CAPZA1: variants seen among roughly 807,000 people sequenced by gnomAD.
The protein encoded by CAPZA1 is capping actin protein of muscle Z-line subunit alpha 1, also known as F-actin-capping protein subunit alpha-1.
Under a neutral mutation model 40.8 loss-of-function variants are expected in CAPZA1, and 10 were observed. The ratio of observed to expected loss-of-function variants is 0.25; its 90% CI spans 0.15 to 0.42. The LOEUF (loss-of-function observed/expected upper bound fraction) is 0.42. CAPZA1 is among the 10% of genes least tolerant of loss of function. The pLI, the probability that CAPZA1 is intolerant of heterozygous loss-of-function variation, is 1.00. For missense variants in CAPZA1, 277 were observed against 353.8 expected, an observed-to-expected ratio of 0.78 and a Z score of 1.74; for synonymous variants, 98 against 115.0, an observed-to-expected ratio of 0.85 and a Z score of 0.95.
intron 1 of CAPZA1, among the ~76,000 whole-genome samples, chr1:112,629,546 A>G (rs948366231): frequency 6.6e-6 from 1 of 152,176 alleles, no homozygotes. Flanking sequence ...CTTGGATAGC[A>G]TCTGTCTTGA....
chr1:112,621,854 C>T (rs1424737342), intron 1 of CAPZA1, among the ~76,000 whole-genome samples: 1 of 147,130 alleles, frequency 6.8e-6, no homozygotes, highest in Non-Finnish European at 1.5e-5. Context: ...CTCTGCCTCT[C>T]TGGTTCAAGC....
At chr1:112,640,711 C>G (rs568812511) in intron 1 of CAPZA1, among the ~76,000 whole-genome samples, 2 of 152,236 alleles carry the variant, frequency 1.3e-5, no homozygotes, top group Non-Finnish European at 1.5e-5. Context: ...ACCGCCCCGT[C>G]TGGGAGGTGT....
intron 2 of CAPZA1, among the ~76,000 whole-genome samples, chr1:112,648,347 C>CTTTTTTTTTTT (rs35670246): frequency 5.0e-5 from 5 of 99,386 alleles, no homozygotes; most frequent in African/African-American, 7.4e-5. Context: ...TTGAATTTTT[C>CTTTTTTTTTTT]TTTTTTTTTT....
chr1:112,659,572 G>GTT, intron 6 of CAPZA1, 129 bp from the exon 7 acceptor site: 1 of 690,552 alleles, frequency 1.4e-6, no homozygotes. Context: ...GGAAATGACA[G>GTT]TTTCTCTCTC....
chr1:112,669,633 A>T (rs770939239), intron 9 of CAPZA1, 28 bp downstream of exon 9: 1 of 1,449,738 alleles, frequency 6.9e-7, no homozygotes, highest in Admixed American at 1.7e-5. Context: ...TAATTTTCCT[A>T]GATCTACTAT....
At chr1:112,638,274 G>C (rs1671061419) in intron 1 of CAPZA1, among the ~76,000 whole-genome samples, 1 of 152,120 alleles carries the variant, frequency 6.6e-6, no homozygotes, top group Non-Finnish European at 1.5e-5. Context: ...TAAGTGGTAT[G>C]AGTGGAGGAA....
chr1:112,640,074 G>A (rs1385628609), intron 1 of CAPZA1, among the ~76,000 whole-genome samples: 2 of 124,710 alleles, frequency 1.6e-5, no homozygotes, highest in African/African-American at 3.1e-5. Flanking sequence ...GCCTCTGCCC[G>A]GCCGCCCCTA....
intron 1 of CAPZA1, among the ~76,000 whole-genome samples, chr1:112,639,362 TTAAG>T (rs1404023307): frequency 6.6e-6 from 1 of 152,216 alleles, no homozygotes; most frequent in East Asian, 1.9e-4. Flanking sequence ...ACAGGGAATA[TTAAG>T]TTTTTTCAGC....
intron 1 of CAPZA1, among the ~76,000 whole-genome samples, chr1:112,626,677 C>T (rs1446021828): frequency 6.6e-6 from 1 of 152,178 alleles, no homozygotes; most frequent in Non-Finnish European, 1.5e-5. Flanking sequence ...TTTTTAACAA[C>T]ATTTTTAATT....
chr1:112,659,614 C>G, intron 6 of CAPZA1, 87 bp from the exon 7 acceptor site: 2 of 971,308 alleles, frequency 2.1e-6, no homozygotes, highest in South Asian at 3.1e-5. Context: ...TTGCACCCCT[C>G]TTTCCCAACT....
intron 3 of CAPZA1, among the ~76,000 whole-genome samples, chr1:112,652,169 T>C (rs1382715506): frequency 6.6e-6 from 1 of 150,648 alleles, no homozygotes; most frequent in Non-Finnish European, 1.5e-5. Flanking sequence ...TAACAACTTT[T>C]AACAAAATAA....
chr1:112,658,449 A>G (rs1244624142), intron 5 of CAPZA1, among the ~76,000 whole-genome samples: 1 of 152,214 alleles, frequency 6.6e-6, no homozygotes, highest in Admixed American at 6.5e-5. Flanking sequence ...TGTTGCCTAG[A>G]TTAATCCTGT....
intron 7 of CAPZA1, among the ~76,000 whole-genome samples, chr1:112,665,114 T>A (rs1010341094): frequency 6.6e-6 from 1 of 152,018 alleles, no homozygotes; most frequent in African/African-American, 2.4e-5. Context: ...CCTCAAAACA[T>A]TCTGTTTTGT....
Position 112,670,061 on chromosome 1 carries a change from G to T in CAPZA1, c.790G>T (p.Val264Phe). 1 of 1,613,894 alleles carries T rather than the reference G, an allele frequency of 6.2e-7. No individual in the cohort carries two copies. The highest frequency in any genetic ancestry group is 1.1e-5 in the South Asian group (1 of 91,074). ...CAAGGCCTTGCGCCGGCAGCTTCCA[G>T]TTACCCGCACCAAAATCGACTGGAA... The part of the protein sequence containing the change: ...TFKALRRQLP[V>F]TRTKIDWNKI... Residue 264 changes from valine (V) to phenylalanine (F), a missense_variant, in exon 10 of 10, where the codon GTT becomes TTT. Coordinates refer to ENST00000263168, the MANE Select transcript of CAPZA1 (RefSeq NM_006135.3).
intron 1 of CAPZA1, among the ~76,000 whole-genome samples, chr1:112,644,184 CTTTTT>C (rs60802838): frequency 3.5e-5 from 2 of 56,788 alleles, no homozygotes; most frequent in Admixed American, 3.2e-4. Context: ...CTTCTCCCAG[CTTTTT>C]TTTTTTTTTT....
intron 1 of CAPZA1, among the ~76,000 whole-genome samples, chr1:112,624,166 A>C (rs1041935927): frequency 6.6e-6 from 1 of 152,170 alleles, no homozygotes; most frequent in African/African-American, 2.4e-5. Context: ...ACCAGGCTTA[A>C]TGCTAAACAA....
At chr1:112,641,886 C>CAAAAAAAAAAAAAAAAAAAAAAAAAAA (rs56057393) in intron 1 of CAPZA1, among the ~76,000 whole-genome samples, 1 of 98,110 alleles carries the variant, frequency 1.0e-5, no homozygotes, top group African/African-American at 3.8e-5. Context: ...GAGACTGTCT[C>CAAAAAAAAAAAAAAAAAAAAAAAAAAA]AAAAAAAAAA....
intron 3 of CAPZA1, chr1:112,649,675 C>A: frequency 1.8e-6 from 1 of 557,244 alleles, no homozygotes; most frequent in East Asian, 3.1e-5. Context: ...AATATATGAA[C>A]TAGTTTTTAT....
At chr1:112,625,894 A>G (rs1670796181) in intron 1 of CAPZA1, 1 of 152,488 alleles carries the variant, frequency 6.6e-6, no homozygotes, top group South Asian at 2.1e-4. Context: ...GTCCAGTACC[A>G]GCACATTCTT....
Sources: allele counts gnomAD v4.1 joint callset (sites outside exome capture counted in the v4.1 genomes callset), GRCh38; gene constraint gnomAD v4.1.1; transcripts MANE v1.5; gene names NCBI Gene and HGNC (gene_info 2026-07-23, HGNC 2026-07-21).